AFF3: variants seen among roughly 807,000 people sequenced by gnomAD.
AFF3 encodes ALF transcription elongation factor 3, also known as AF4/FMR2 family member 3.
Under a neutral mutation model 129.7 loss-of-function variants are expected in AFF3, and 32 were observed. The ratio of observed to expected loss-of-function variants is 0.25; its 90% CI spans 0.19 to 0.33. The LOEUF (loss-of-function observed/expected upper bound fraction) is 0.33, where lower values mean the gene tolerates loss of function less well. Ranked by LOEUF, AFF3 falls within the 10% of genes least tolerant of loss-of-function variation. AFF3 has a pLI of 1.00. For synonymous variants in AFF3, 644 were observed against 635.4 expected, an observed-to-expected ratio of 1.01 and a Z score of -0.20; for missense variants, 1,373 against 1,592.0, an observed-to-expected ratio of 0.86 and a Z score of 2.34.
intron 13 of AFF3, among the ~76,000 whole-genome samples, chr2:99,616,123 TG>T (rs1308716644): frequency 6.6e-6 from 1 of 152,208 alleles, no homozygotes; most frequent in Non-Finnish European, 1.5e-5. Flanking sequence ...GGCTCTACTG[TG>T]AGGAACACCT....
chr2:99,625,549 C>A (rs1266134561), intron 13 of AFF3, among the ~76,000 whole-genome samples: 1 of 152,246 alleles, frequency 6.6e-6, no homozygotes, highest in Non-Finnish European at 1.5e-5. Flanking sequence ...CAACATTAAA[C>A]CATGTGCAGG....
intron 8 of AFF3, among the ~76,000 whole-genome samples, chr2:99,825,874 T>A (rs1306517209): frequency 6.6e-6 from 1 of 152,180 alleles, no homozygotes; most frequent in Non-Finnish European, 1.5e-5. Flanking sequence ...AGCACAACAG[T>A]CTTGGCAGTC....
intron 8 of AFF3, among the ~76,000 whole-genome samples, chr2:99,774,068 G>A (rs1322102104): frequency 6.6e-6 from 1 of 152,112 alleles, no homozygotes; most frequent in African/African-American, 2.4e-5. Flanking sequence ...ACAAACCACT[G>A]TTCAAAGAAA....
At chr2:99,787,739 GAACA>G (rs1023012677) in intron 8 of AFF3, among the ~76,000 whole-genome samples, 1 of 152,072 alleles carries the variant, frequency 6.6e-6, no homozygotes, top group African/African-American at 2.4e-5. Flanking sequence ...ACAAACAAAC[GAACA>G]AACAAACAAA....
At chr2:100,034,647 G>A (rs1324632729) in intron 4 of AFF3, among the ~76,000 whole-genome samples, 1 of 151,796 alleles carries the variant, frequency 6.6e-6, no homozygotes, top group Non-Finnish European at 1.5e-5. Context: ...GATTTTGAGT[G>A]ATTCTAAATT....
chr2:99,784,015 A>C (rs1288768075), intron 8 of AFF3, among the ~76,000 whole-genome samples: 2 of 152,270 alleles, frequency 1.3e-5, no homozygotes, highest in Non-Finnish European at 2.9e-5. Flanking sequence ...TTTTAAGCAC[A>C]TCCAAGTGTT....
chr2:99,866,695 G>A (rs949403057), intron 7 of AFF3, among the ~76,000 whole-genome samples: 6 of 151,966 alleles, frequency 3.9e-5, no homozygotes, highest in African/African-American at 9.7e-5. Context: ...AAGCACTGGC[G>A]GTCGGGCGTG....
At chr2:100,131,140 G>A (rs1692414858) in intron 1 of AFF3, among the ~76,000 whole-genome samples, 1 of 152,166 alleles carries the variant, frequency 6.6e-6, no homozygotes, top group Admixed American at 6.5e-5. Flanking sequence ...TACACCTGGG[G>A]ACAAAGTTTA....
At chr2:100,087,843 A>T (rs975671212) in intron 4 of AFF3, among the ~76,000 whole-genome samples, 1 of 150,944 alleles carries the variant, frequency 6.6e-6, no homozygotes, top group African/African-American at 2.4e-5. Context: ...AAATCAGTCA[A>T]TGTATTAAAG....
chr2:100,012,795 C>T (rs1682669136), intron 4 of AFF3, among the ~76,000 whole-genome samples: 1 of 152,174 alleles, frequency 6.6e-6, no homozygotes, highest in Admixed American at 6.5e-5. Flanking sequence ...TTCCAATTCC[C>T]GGCATGCCAA....
At chr2:99,737,842 C>T (rs1484573909) in intron 10 of AFF3, among the ~76,000 whole-genome samples, 1 of 151,760 alleles carries the variant, frequency 6.6e-6, no homozygotes, top group East Asian at 1.9e-4. Flanking sequence ...TTTTCCATTT[C>T]TGTCTCTCTA....
chr2:99,672,954 A>T (rs1222613394), intron 11 of AFF3, among the ~76,000 whole-genome samples: 1 of 152,198 alleles, frequency 6.6e-6, no homozygotes, highest in Non-Finnish European at 1.5e-5. Flanking sequence ...ATTTGAGGTG[A>T]CGAATATCCT....
chr2:99,959,147 A>G (rs1676964274), intron 7 of AFF3, among the ~76,000 whole-genome samples: 1 of 152,112 alleles, frequency 6.6e-6, no homozygotes, highest in Non-Finnish European at 1.5e-5. Context: ...GAGCAGGCAA[A>G]GACCAAATGC....
At chr2:100,101,034 A>C (rs1479443383) in intron 4 of AFF3, among the ~76,000 whole-genome samples, 1 of 152,216 alleles carries the variant, frequency 6.6e-6, no homozygotes, top group African/African-American at 2.4e-5. Flanking sequence ...AGAAATTGGA[A>C]GTGGAATTAG....
chr2:99,796,949 CTG>C (rs1685593197), intron 8 of AFF3, among the ~76,000 whole-genome samples: 1 of 152,168 alleles, frequency 6.6e-6, no homozygotes, highest in Non-Finnish European at 1.5e-5. Context: ...ACCTGACAAA[CTG>C]TGGAGACAAA....
chr2:99,620,037 A>G (rs569576610), intron 13 of AFF3, among the ~76,000 whole-genome samples: 6 of 152,328 alleles, frequency 3.9e-5, no homozygotes, highest in African/African-American at 1.2e-4. Context: ...CAGGCAATCA[A>G]TGGTGTCTCC....
At chr2:100,106,188 G>T (rs1471902063) in intron 2 of AFF3, 2 of 1,194,506 alleles carry the variant, frequency 1.7e-6, no homozygotes, top group Non-Finnish European at 2.1e-6. Flanking sequence ...TTCTTCATTA[G>T]CATCCATAAC....
intron 4 of AFF3, among the ~76,000 whole-genome samples, chr2:100,023,148 G>A (rs892887227): frequency 4.6e-5 from 7 of 152,184 alleles, no homozygotes; most frequent in Admixed American, 1.3e-4. Flanking sequence ...ATTACCATTT[G>A]TAGAATGGAT....
At chr2:100,048,634 A>G (rs778717470) in intron 4 of AFF3, among the ~76,000 whole-genome samples, 21 of 152,214 alleles carry the variant, frequency 1.4e-4, no homozygotes, top group Non-Finnish European at 2.8e-4. Context: ...ACAGAGAGAT[A>G]TCCACATGGA....
Sources: gnomAD v4.1 joint callset for allele counts (sites outside exome capture counted in the v4.1 genomes callset) on GRCh38, gnomAD v4.1.1 for gene constraint, MANE v1.5 for transcripts, NCBI Gene and HGNC (gene_info 2026-07-23, HGNC 2026-07-21) for gene names.